PTPRD: variants seen among roughly 807,000 people sequenced by gnomAD.
PTPRD encodes the protein receptor-type tyrosine-protein phosphatase delta.
PTPRD carries 34 observed loss-of-function variants against 214.5 expected under a neutral mutation model. That is an observed-to-expected ratio of 0.16 (90% CI 0.12 to 0.21). PTPRD has a LOEUF of 0.21. Among genes scored for constraint, PTPRD ranks in the 10% least tolerant of loss-of-function variants. PTPRD has a pLI of 1.00. For synonymous variants in PTPRD, 1,128 were observed against 845.7 expected (o/e 1.33, Z -5.79); for missense variants, 2,545 against 2,398.7 (o/e 1.06, Z -1.27).
rs77192918 is a variant in PTPRD, at chr9:9,777,805, A to C, written c.-367-10954T>G. Among the ~76,000 whole-genome samples, 911 of 152,342 alleles carry C rather than the reference A, an allele frequency of 6.0e-3. 55 individuals are homozygous for C. In the East Asian group the frequency reaches 0.11, roughly 18 times the overall value. ...TTTTTTTGTAAAATGCATTATAATCAGTAAAATGCATAAATTGTAAATTTC... is the reference window on the plus strand; with the variant it reads ...TTTTTTTGTAAAATGCATTATAATCCGTAAAATGCATAAATTGTAAATTTC... On this transcript the variant is annotated intron_variant, in intron 5 of 45. Coordinates refer to ENST00000381196, the MANE Select transcript of PTPRD (RefSeq NM_002839.4).
At chr9:9,905,907 G>A (rs971302818) in intron 5 of PTPRD, among the ~76,000 whole-genome samples, 1 of 151,958 alleles carries the variant, frequency 6.6e-6, no homozygotes, top group Non-Finnish European at 1.5e-5. Context: ...GCATGTGTGT[G>A]GAGAATTAAC....
intron 8 of PTPRD, among the ~76,000 whole-genome samples, chr9:9,500,227 C>T (rs951576882): frequency 6.6e-6 from 1 of 152,044 alleles, no homozygotes; most frequent in Non-Finnish European, 1.5e-5. Context: ...AATCTCTCCT[C>T]CCAGCCATGA....
intron 7 of PTPRD, among the ~76,000 whole-genome samples, chr9:9,661,000 G>A (rs1419490245): frequency 2.6e-5 from 4 of 151,902 alleles, no homozygotes; most frequent in Admixed American, 2.0e-4. Context: ...CTTTATTCAG[G>A]TAATGATCTA....
chr9:8,348,063 T>G (rs2074375525), intron 39 of PTPRD, among the ~76,000 whole-genome samples: 1 of 152,094 alleles, frequency 6.6e-6, no homozygotes, highest in Non-Finnish European at 1.5e-5. Flanking sequence ...AGTGCTAGAA[T>G]AGACAACATA....
intron 11 of PTPRD, among the ~76,000 whole-genome samples, chr9:8,965,072 T>G (rs1314321296): frequency 6.6e-6 from 1 of 152,010 alleles, no homozygotes; most frequent in Non-Finnish European, 1.5e-5. Flanking sequence ...AAGTGTCAAG[T>G]TTAAGTTCAG....
At chr9:9,817,674 A>G (rs528890132) in intron 5 of PTPRD, among the ~76,000 whole-genome samples, 1 of 152,300 alleles carries the variant, frequency 6.6e-6, no homozygotes, top group South Asian at 2.1e-4. Flanking sequence ...CAGGGAATAA[A>G]ACAAACGGGC....
At chr9:8,512,521 T>C (rs2097702242) in intron 21 of PTPRD, among the ~76,000 whole-genome samples, 1 of 152,048 alleles carries the variant, frequency 6.6e-6, no homozygotes, top group Non-Finnish European at 1.5e-5. Flanking sequence ...AAATGATTTA[T>C]AAACTTCTGG....
intron 7 of PTPRD, among the ~76,000 whole-genome samples, chr9:9,701,666 T>C (rs1001413751): frequency 1.3e-5 from 2 of 152,104 alleles, no homozygotes; most frequent in African/African-American, 4.8e-5. Context: ...TACTTAGAAA[T>C]TCATTAGATG....
chr9:9,429,740 G>C (rs61856493), intron 8 of PTPRD, among the ~76,000 whole-genome samples: 2 of 152,258 alleles, frequency 1.3e-5, no homozygotes, highest in African/African-American at 4.8e-5. Flanking sequence ...TGCAATGCTG[G>C]TTCAACATAC....
chr9:9,566,552 T>C (rs1483424881), intron 8 of PTPRD, among the ~76,000 whole-genome samples: 1 of 151,950 alleles, frequency 6.6e-6, no homozygotes, highest in African/African-American at 2.4e-5. Flanking sequence ...TACCTAAACA[T>C]TCTTATATGC....
At chr9:8,486,686 C>T (rs2097022193) in intron 27 of PTPRD, among the ~76,000 whole-genome samples, 1 of 152,108 alleles carries the variant, frequency 6.6e-6, no homozygotes, top group South Asian at 2.1e-4. Context: ...CAAAGATCAG[C>T]CAATTAGATA....
chr9:8,757,861 T>C (rs1356712673), intron 11 of PTPRD, among the ~76,000 whole-genome samples: 1 of 152,154 alleles, frequency 6.6e-6, no homozygotes, highest in Non-Finnish European at 1.5e-5. Context: ...CTGTATGGCA[T>C]GAGACATTTC....
chr9:10,101,991 C>T (rs958612554), intron 3 of PTPRD, among the ~76,000 whole-genome samples: 7 of 151,578 alleles, frequency 4.6e-5, no homozygotes, highest in South Asian at 2.1e-4. Context: ...ACACATCCCA[C>T]GTTTTATAGA....
At chr9:8,695,004 A>G (rs967278919) in intron 12 of PTPRD, among the ~76,000 whole-genome samples, 1 of 152,140 alleles carries the variant, frequency 6.6e-6, no homozygotes, top group Admixed American at 6.5e-5. Context: ...CTGTCACATA[A>G]AACCTGAGGG....
intron 7 of PTPRD, among the ~76,000 whole-genome samples, chr9:9,676,973 G>C (rs1316000982): frequency 2.6e-5 from 4 of 152,024 alleles, no homozygotes; most frequent in Non-Finnish European, 4.4e-5. Flanking sequence ...TGATGGGGTT[G>C]TTTGTTTTTT....
At chr9:10,504,999 T>G (rs934802895) in intron 2 of PTPRD, among the ~76,000 whole-genome samples, 3 of 152,194 alleles carry the variant, frequency 2.0e-5, no homozygotes, top group Non-Finnish European at 4.4e-5. Context: ...AATTTTGAAC[T>G]GCTCAAACAC....
intron 14 of PTPRD, among the ~76,000 whole-genome samples, chr9:8,599,910 G>T (rs977414072): frequency 1.3e-5 from 2 of 152,058 alleles, no homozygotes; most frequent in African/African-American, 4.8e-5. Flanking sequence ...GAGCCACGGC[G>T]CCTGGCCGGC....
chr9:8,733,023 T>A (rs932647961), intron 12 of PTPRD, among the ~76,000 whole-genome samples: 2 of 152,162 alleles, frequency 1.3e-5, no homozygotes, highest in African/African-American at 4.8e-5. Flanking sequence ...CATGCCTTTC[T>A]CCAATACTAT....
At chr9:8,581,259 A>T (rs1017159205) in intron 14 of PTPRD, among the ~76,000 whole-genome samples, 4 of 152,174 alleles carry the variant, frequency 2.6e-5, no homozygotes, top group African/African-American at 9.6e-5. Context: ...GGAAAAAGAG[A>T]CTCAGTAATT....
Sources: allele counts gnomAD v4.1 joint callset (sites outside exome capture counted in the v4.1 genomes callset), GRCh38; gene constraint gnomAD v4.1.1; transcripts MANE v1.5; gene names NCBI Gene and HGNC (gene_info 2026-07-23, HGNC 2026-07-21).